Variants in AFF3 observed in about 807,000 individuals in gnomAD.
AFF3 encodes the protein ALF transcription elongation factor 3, also known as AF4/FMR2 family member 3.
AFF3 carries 32 observed loss-of-function variants against 129.7 expected under a neutral mutation model. The observed-to-expected ratio is 0.25, with a 90% CI of 0.19 to 0.33. The LOEUF is 0.33. Ranked by LOEUF, AFF3 falls within the 10% of genes least tolerant of loss-of-function variation. AFF3 has a pLI of 1.00. For missense variants in AFF3, 1,373 were observed against 1,592.0 expected, an observed-to-expected ratio of 0.86 and a Z score of 2.34; for synonymous variants, 644 against 635.4, an observed-to-expected ratio of 1.01 and a Z score of -0.20.
intron 7 of AFF3, among the ~76,000 whole-genome samples, chr2:99,882,055 G>GTCTC (rs754624516): frequency 8.4e-4 from 125 of 148,556 alleles, no homozygotes; most frequent in East Asian, 7.7e-3. Flanking sequence ...TCATTTGCCT[G>GTCTC]TCTCTCTCTC....
At chr2:99,809,575 C>A (rs533687813) in intron 8 of AFF3, among the ~76,000 whole-genome samples, 1 of 152,326 alleles carries the variant, frequency 6.6e-6, no homozygotes, top group Non-Finnish European at 1.5e-5. Flanking sequence ...CTCAGAGCCA[C>A]CACACACCTT....
rs1350375539 is a variant in AFF3, at chr2:99,558,963, C to T, written c.3197G>A (p.Arg1066Gln). 1 of 1,613,990 alleles carries T rather than the reference C, an allele frequency of 6.2e-7. No individual in the cohort carries two copies. Among genetic ancestry groups the T allele is most frequent in the Non-Finnish European group, 8.5e-7 (1 of 1,179,978 alleles). Reference protein sequence around the residue: ...EDKQLAALCYRCLALLYWRMF... With the variant: ...EDKQLAALCYQCLALLYWRMF... ...CCGCCAGTACAGGAGGGCCAGGCAT[C>T]GGTAACTGCAGGCGAAAAGAGAAAC... The change falls in exon 22 of 25, where the codon CGA (arginine) becomes CAA (glutamine). Residue 1066 changes from arginine (R) to glutamine (Q), a missense_variant. Physicochemically the swap from Arg to Gln is conservative, Grantham distance 43. Transcript: ENST00000672756.
At chr2:99,604,403 A>G (rs530487716) in intron 13 of AFF3, among the ~76,000 whole-genome samples, 1 of 152,318 alleles carries the variant, frequency 6.6e-6, no homozygotes, top group Non-Finnish European at 1.5e-5. Context: ...GTTCTCACTT[A>G]TAAGTGGGAG....
chr2:99,907,168 C>A (rs2106175793), intron 7 of AFF3, among the ~76,000 whole-genome samples: 1 of 152,220 alleles, frequency 6.6e-6, no homozygotes, highest in South Asian at 2.1e-4. Context: ...CTCTTTTTAT[C>A]CTAACGGAGG....
chr2:99,936,696 C>T (rs183639703), intron 7 of AFF3, among the ~76,000 whole-genome samples: 42 of 152,298 alleles, frequency 2.8e-4, no homozygotes, highest in Admixed American at 1.2e-3. Context: ...CAGACTCGGG[C>T]TCATGGGGAG....
At chr2:99,890,183 C>A (rs960545055) in intron 7 of AFF3, among the ~76,000 whole-genome samples, 1 of 152,284 alleles carries the variant, frequency 6.6e-6, no homozygotes, top group South Asian at 2.1e-4. Context: ...GCTCAGCCAG[C>A]GGTGCTCTGT....
chr2:99,658,714 A>G (rs1342926483), intron 12 of AFF3, among the ~76,000 whole-genome samples: 1 of 152,218 alleles, frequency 6.6e-6, no homozygotes, highest in Admixed American at 6.5e-5. Context: ...CAGTAAGTAA[A>G]GGAACCAGGC....
At chr2:99,846,221 C>G (rs1689712807) in intron 7 of AFF3, among the ~76,000 whole-genome samples, 1 of 152,110 alleles carries the variant, frequency 6.6e-6, no homozygotes, top group Admixed American at 6.5e-5. Flanking sequence ...CCTCCACCTT[C>G]CAGGTTCAAG....
intron 7 of AFF3, among the ~76,000 whole-genome samples, chr2:99,955,181 G>A (rs1233937200): frequency 6.6e-6 from 1 of 152,056 alleles, no homozygotes; most frequent in Non-Finnish European, 1.5e-5. Context: ...TATCACCAAG[G>A]TGATGTAGTT....
At chr2:99,996,368 T>C (rs1224992116) in intron 7 of AFF3, among the ~76,000 whole-genome samples, 3 of 152,254 alleles carry the variant, frequency 2.0e-5, no homozygotes, top group South Asian at 2.1e-4. Flanking sequence ...TTCCAGATTA[T>C]AGAACCACAG....
At chr2:99,708,387 C>T (rs1184352938) in intron 11 of AFF3, among the ~76,000 whole-genome samples, 3 of 152,100 alleles carry the variant, frequency 2.0e-5, no homozygotes, top group African/African-American at 7.2e-5. Flanking sequence ...ACTAAAAGCT[C>T]CACAGAGCAT....
At chr2:99,920,868 T>C (rs906967031) in intron 7 of AFF3, among the ~76,000 whole-genome samples, 21 of 152,048 alleles carry the variant, frequency 1.4e-4, no homozygotes, top group East Asian at 5.8e-4. Context: ...GCAATAAAAA[T>C]TGTTAAAAAT....
At chr2:100,106,307 C>T in intron 2 of AFF3, 1 of 1,165,234 alleles carries the variant, frequency 8.6e-7, no homozygotes, top group Non-Finnish European at 1.1e-6. Context: ...CTCAAAAACC[C>T]CTCTCATTAG....
At position 99,594,065 on chromosome 2, in the gene AFF3, C is replaced by T; in HGVS notation, c.1596G>A (p.Arg532=). The T allele has an allele frequency of 6.2e-7, 1 of 1,613,520 alleles. No homozygotes were observed. The highest frequency in any genetic ancestry group is 8.5e-7 in the Non-Finnish European group (1 of 1,179,668). The change falls in exon 15 of 25, where the codon AGG becomes AGA. Residue 532 remains arginine, a synonymous_variant. Transcript: ENST00000672756. ...CAGGGGCCTTGTTGGCTGTCCTTGG[C>T]CTTTGCTCCTCCTTGCAAGTGCTCT... ...EIKSTCKEEQ[R]PRTANKAPGS...
chr2:99,565,770 C>A, intron 19 of AFF3, 147 bp from the exon 20 acceptor site: 1 of 909,964 alleles, frequency 1.1e-6, no homozygotes, highest in Non-Finnish European at 1.6e-6. Flanking sequence ...TAGAATACTT[C>A]TTTTCCTACT....
At chr2:99,782,101 T>C (rs956031765) in intron 8 of AFF3, among the ~76,000 whole-genome samples, 1 of 152,216 alleles carries the variant, frequency 6.6e-6, no homozygotes, top group Non-Finnish European at 1.5e-5. Flanking sequence ...CTTTTTCTTC[T>C]TTACAGATCT....
In AFF3 at chr2:100,016,488, GTGGTGATGGTAC is replaced by G. The variant is rs1429378671; in HGVS notation, c.54-7568_54-7557del. Among the ~76,000 whole-genome samples the G allele has an allele frequency of 3.9e-3, 589 of 150,940 alleles. 7 individuals carry two copies. The highest frequency in any genetic ancestry group is 0.014 in the African/African-American group (560 of 40,738). ...GGTGGTAATGGTGTTGGTGATGAAA[GTGGTGATGGTAC>G]TGGTGGTGATAGTGGTGGTGGCGGT... On this transcript the variant is annotated intron_variant, in intron 4 of 24. Transcript: ENST00000672756.
At chr2:99,788,968 G>C (rs562020071) in intron 8 of AFF3, among the ~76,000 whole-genome samples, 1 of 152,326 alleles carries the variant, frequency 6.6e-6, no homozygotes, top group East Asian at 1.9e-4. Flanking sequence ...AGGAGCAACA[G>C]ACCATACCAT....
intron 7 of AFF3, among the ~76,000 whole-genome samples, chr2:99,976,269 T>C (rs866816177): frequency 6.6e-6 from 1 of 152,328 alleles, no homozygotes; most frequent in Middle Eastern, 3.4e-3. Flanking sequence ...AATATTTCAC[T>C]TTTTTTCTTT....
Sources: gnomAD v4.1 joint callset for allele counts (sites outside exome capture counted in the v4.1 genomes callset) on GRCh38, gnomAD v4.1.1 for gene constraint, MANE v1.5 for transcripts, NCBI Gene and HGNC (gene_info 2026-07-23, HGNC 2026-07-21) for gene names.